NUP93: variants seen among roughly 807,000 people sequenced by gnomAD.
NUP93 encodes nucleoporin 93.
A neutral mutation model predicts 107.8 loss-of-function variants in NUP93; 55 were observed. That is an observed-to-expected ratio of 0.51 (90% CI 0.41 to 0.64). NUP93 has a LOEUF of 0.64. Among genes scored for constraint, NUP93 ranks in the 30% least tolerant of loss-of-function variants. The pLI is 0.00. For missense variants in NUP93, 937 were observed against 1,044.7 expected (o/e 0.90, Z 1.42); for synonymous variants, 390 against 397.5 (o/e 0.98, Z 0.22).
chr16:56,849,064 A>G lies in NUP93; in HGVS notation c.*4455A>G, dbSNP rs1453124810. 1 of 152,214 alleles carries G rather than the reference A, an allele frequency of 6.6e-6. No individual in the cohort carries two copies. Among genetic ancestry groups the G allele is most frequent in the Non-Finnish European group, 1.5e-5 (1 of 68,062 alleles). The allele number at this position is 152,214 out of a possible 1,614,324, so 9.4% of individuals were successfully genotyped here. On this transcript the variant is annotated 3_prime_UTR_variant, in exon 22 of 22. Coordinates refer to ENST00000308159, the MANE Select transcript of NUP93 (RefSeq NM_014669.5). ...GCTCAGCAGATATTTGAATGAGCAG[A>G]TGCTTTGCTTTGTCCTCCTGTGCCA...
intron 3 of NUP93, among the ~76,000 whole-genome samples, chr16:56,793,061 A>G (rs540438042): frequency 2.0e-5 from 3 of 152,180 alleles, no homozygotes; most frequent in Non-Finnish European, 4.4e-5. Flanking sequence ...CATATTGTTA[A>G]AGGATTAGCA....
chr16:56,778,877 G>A (rs1596792505), intron 3 of NUP93, among the ~76,000 whole-genome samples: 1 of 152,316 alleles, frequency 6.6e-6, no homozygotes, highest in Middle Eastern at 3.4e-3. Context: ...GAGAAGAATT[G>A]TGGCAGTAGA....
At chr16:56,793,267 C>T (rs180976127) in intron 3 of NUP93, among the ~76,000 whole-genome samples, 1 of 152,196 alleles carries the variant, frequency 6.6e-6, no homozygotes, top group Admixed American at 6.5e-5. Flanking sequence ...CCTAGCTGGC[C>T]TGCAGATGTT....
chr16:56,765,033 C>T (rs1596781265), intron 3 of NUP93, among the ~76,000 whole-genome samples: 1 of 152,190 alleles, frequency 6.6e-6, no homozygotes, highest in Non-Finnish European at 1.5e-5. Flanking sequence ...ATTTGTGTAA[C>T]GATTCTGAGA....
At chr16:56,791,977 A>G (rs756996616) in intron 3 of NUP93, among the ~76,000 whole-genome samples, 1 of 152,222 alleles carries the variant, frequency 6.6e-6, no homozygotes, top group Non-Finnish European at 1.5e-5. Flanking sequence ...AAAGTTTCAC[A>G]AATCAATACC....
chr16:56,754,895 A>G (rs575197680), intron 2 of NUP93, among the ~76,000 whole-genome samples: 11 of 152,284 alleles, frequency 7.2e-5, no homozygotes, highest in African/African-American at 1.9e-4. Context: ...AGCTGTTCGG[A>G]GGCTCCCAAA....
At chr16:56,768,380 A>G (rs1951398115) in intron 3 of NUP93, among the ~76,000 whole-genome samples, 1 of 151,790 alleles carries the variant, frequency 6.6e-6, no homozygotes, top group Non-Finnish European at 1.5e-5. Context: ...CCTGACCAAC[A>G]TGGAGAAACC....
intron 1 of NUP93, among the ~76,000 whole-genome samples, chr16:56,741,111 A>G (rs538711196): frequency 1.3e-5 from 2 of 152,200 alleles, no homozygotes; most frequent in Admixed American, 6.5e-5. Flanking sequence ...GGTAGTGGGC[A>G]ATACAACATA....
At chr16:56,808,188 T>C (rs1963199476) in intron 5 of NUP93, among the ~76,000 whole-genome samples, 2 of 125,468 alleles carry the variant, frequency 1.6e-5, no homozygotes, top group Non-Finnish European at 3.2e-5. Flanking sequence ...AAATATATAG[T>C]TATATAACTA....
intron 3 of NUP93, among the ~76,000 whole-genome samples, chr16:56,779,988 A>C (rs1447317013): frequency 1.3e-5 from 2 of 152,176 alleles, no homozygotes; most frequent in East Asian, 3.8e-4. Context: ...ACCATGCTCC[A>C]GTACAGTATT....
At chr16:56,808,221 C>T (rs1963203699) in intron 5 of NUP93, among the ~76,000 whole-genome samples, 1 of 49,610 alleles carries the variant, frequency 2.0e-5, no homozygotes, top group African/African-American at 8.5e-5. Flanking sequence ...AGTTATGTAA[C>T]TATATAAAAT....
chr16:56,788,849 T>C (rs1202919775), intron 3 of NUP93, among the ~76,000 whole-genome samples: 1 of 152,176 alleles, frequency 6.6e-6, no homozygotes, highest in African/African-American at 2.4e-5. Flanking sequence ...GTGTCATGCA[T>C]CTCTGGTCTC....
chr16:56,834,605 A>G lies in NUP93; in HGVS notation c.1738-129A>G, dbSNP rs1044188140. On this transcript the variant is annotated intron_variant, in intron 15 of 21. Transcript: ENST00000308159. ...CAATGAAAATATTTATTTCAGTCAC[A>G]CTGATTTTTAGTTTGCCTAAGACTT... The G allele has an allele frequency of 2.0e-5, 22 of 1,109,408 alleles. No homozygotes were observed. The African/African-American group carries it at 2.7e-4, about 14-fold the overall frequency. The allele number at this position is 1,109,408 out of a possible 1,614,324, so 68.7% of individuals were successfully genotyped here.
chr16:56,818,910 G>T lies in NUP93; in HGVS notation c.564+172G>T, dbSNP rs1561139. Among the ~76,000 whole-genome samples the T allele has an allele frequency of 0.42, 63,278 of 152,068 alleles. 13,363 individuals are homozygous for T. The highest frequency in any genetic ancestry group is 0.61 in the East Asian group (3,180 of 5,178). ...CCACTGGAGAATTCTATCAAATAGG[G>T]TAATAGAATTACTCACATTTGATTT... On this transcript the variant is annotated intron_variant, in intron 6 of 21. Transcript: ENST00000308159.
intron 21 of NUP93, 36 bp from the exon 22 acceptor site, chr16:56,844,463 A>G (rs751934162): frequency 7.8e-7 from 1 of 1,289,216 alleles, no homozygotes; most frequent in South Asian, 1.9e-5. Flanking sequence ...CTCGAAAGTT[A>G]ACCGATTTCC....
chr16:56,832,817 A>G (rs1963823930), intron 12 of NUP93, among the ~76,000 whole-genome samples: 1 of 152,212 alleles, frequency 6.6e-6, no homozygotes, highest in Non-Finnish European at 1.5e-5. Flanking sequence ...TGTTGCATTC[A>G]GATTTCTGTG....
chr16:56,769,414 G>A (rs978149435), intron 3 of NUP93, among the ~76,000 whole-genome samples: 17 of 152,114 alleles, frequency 1.1e-4, no homozygotes, highest in African/African-American at 2.4e-4. Context: ...GAACTCTTGC[G>A]GAGCGTTGGG....
chr16:56,824,899 G>A (rs1312055731), intron 8 of NUP93, among the ~76,000 whole-genome samples: 3 of 152,150 alleles, frequency 2.0e-5, no homozygotes, highest in African/African-American at 7.2e-5. Context: ...GGAATAAAGG[G>A]TTTATAAAAT....
chr16:56,774,833 T>A (rs559577579), intron 3 of NUP93, among the ~76,000 whole-genome samples: 80 of 152,282 alleles, frequency 5.3e-4, no homozygotes, highest in African/African-American at 1.9e-3. Flanking sequence ...TGATCACTGC[T>A]TGATTTTAGA....
Sources: gnomAD v4.1 joint callset for allele counts (sites outside exome capture counted in the v4.1 genomes callset) on GRCh38, gnomAD v4.1.1 for gene constraint, MANE v1.5 for transcripts, NCBI Gene and HGNC (gene_info 2026-07-23, HGNC 2026-07-21) for gene names.